Variants in FBXW2 observed in about 807,000 individuals in gnomAD.
FBXW2 encodes the protein F-box and WD repeat domain containing 2.
Under a neutral mutation model 46.0 loss-of-function variants are expected in FBXW2, and 12 were observed. The observed-to-expected ratio is 0.26, with a 90% CI of 0.17 to 0.42. The LOEUF (loss-of-function observed/expected upper bound fraction) is 0.42, where lower values mean the gene tolerates loss of function less well. Among genes scored for constraint, FBXW2 ranks in the 10% least tolerant of loss-of-function variants. The pLI is 1.00. For missense variants in FBXW2, 360 were observed against 537.0 expected, an observed-to-expected ratio of 0.67 and a Z score of 3.26; for synonymous variants, 203 against 209.6, an observed-to-expected ratio of 0.97 and a Z score of 0.27.
At chr9:120,768,666 C>T (rs1247897063) in intron 7 of FBXW2, among the ~76,000 whole-genome samples, 1 of 151,970 alleles carries the variant, frequency 6.6e-6, no homozygotes, top group Admixed American at 6.6e-5. Context: ...ACTAAAAATA[C>T]ACAAAATTAG....
intron 5 of FBXW2, among the ~76,000 whole-genome samples, chr9:120,774,551 A>G (rs1243578415): frequency 1.3e-5 from 2 of 152,130 alleles, no homozygotes; most frequent in African/African-American, 4.8e-5. Flanking sequence ...TGTTTCCCAC[A>G]GTGAATCTGC....
At chr9:120,767,833 T>C (rs768826965) in intron 7 of FBXW2, among the ~76,000 whole-genome samples, 5 of 152,210 alleles carry the variant, frequency 3.3e-5, no homozygotes, top group African/African-American at 9.6e-5. Flanking sequence ...CCAAGCTCTA[T>C]TGATTTTATG....
chr9:120,787,948 T>C lies in FBXW2; in HGVS notation c.311A>G (p.Asn104Ser). Residue 104 changes from asparagine to serine, a missense_variant, in exon 3 of 8, where the codon AAT becomes AGT. Asn to Ser is a conservative substitution (Grantham distance 46). Coordinates refer to ENST00000608872, the MANE Select transcript of FBXW2 (RefSeq NM_012164.4). ...CTEVWQTACK[N>S]LGWQIDDSVQ... Reference sequence around the variant, plus strand: ...AGAATCATCTATCTGCCAGCCCAAATTTTTACATGCAGTCTGCCACACCTC... The same window carrying C: ...AGAATCATCTATCTGCCAGCCCAAACTTTTACATGCAGTCTGCCACACCTC... 1 of 1,614,218 alleles carries C rather than the reference T, an allele frequency of 6.2e-7. No homozygotes were observed. Among genetic ancestry groups the C allele is most frequent in the Non-Finnish European group, 8.5e-7 (1 of 1,180,036 alleles).
Position 120,758,300 on chromosome 9 carries a change from G to A in FBXW2, c.*6259C>T, listed in dbSNP as rs772899293. ...GAAAGGAACATCAAGAACTTTCCAC[G>A]AGGATGGGAGATTAACACCCAAAGC... is the stretch of plus-strand genomic sequence containing the variant. On this transcript the variant is annotated 3_prime_UTR_variant, in exon 8 of 8. Coordinates refer to ENST00000608872, the MANE Select transcript of FBXW2 (RefSeq NM_012164.4). 9.9e-5 allele frequency: 15 copies of A among 152,146 alleles called. No homozygotes were observed. The highest frequency in any genetic ancestry group is 2.2e-4 in the Non-Finnish European group (15 of 68,030). The allele number at this position is 152,146 out of a possible 1,614,324, so 9.4% of individuals were successfully genotyped here.
At chr9:120,791,181 A>T (rs1382197716) in intron 2 of FBXW2, among the ~76,000 whole-genome samples, 2 of 152,210 alleles carry the variant, frequency 1.3e-5, no homozygotes, top group Admixed American at 6.5e-5. Flanking sequence ...TCTTTTAGGC[A>T]GCCTCTAGAA....
chr9:120,778,293 C>A, intron 4 of FBXW2, 58 bp downstream of exon 4: 1 of 1,424,080 alleles, frequency 7.0e-7, no homozygotes, highest in Non-Finnish European at 9.5e-7. Flanking sequence ...ACATTCTTGG[C>A]TCCTGGCTTA....
At position 120,759,079 on chromosome 9, in the gene FBXW2, C is replaced by T. The variant is rs1303329236; in HGVS notation, c.*5480G>A. ...AAAAAAACAGAGCCACCTCAGATCA[C>T]TCAAGGGGTTGTTCTATTTTCAAAA... is the stretch of plus-strand genomic sequence containing the variant. On this transcript the variant is annotated 3_prime_UTR_variant, in exon 8 of 8. Transcript: ENST00000608872. 1.3e-5 allele frequency: 2 copies of T among 152,202 alleles called. No individual in the cohort carries two copies. Among genetic ancestry groups the T allele is most frequent in the African/African-American group, 4.8e-5 (2 of 41,456 alleles). 9.4% of individuals were successfully genotyped at this position (152,202 alleles called of 1,614,324 possible).
chr9:120,767,540 A>C (rs191059568), intron 7 of FBXW2, among the ~76,000 whole-genome samples: 3 of 152,354 alleles, frequency 2.0e-5, no homozygotes, highest in Non-Finnish European at 4.4e-5. Context: ...CAAATGAGTT[A>C]TAACTGATAA....
chr9:120,782,199 T>C (rs547726539), intron 3 of FBXW2, among the ~76,000 whole-genome samples: 133 of 152,204 alleles, frequency 8.7e-4, no homozygotes, highest in Admixed American at 2.2e-3. Context: ...CCAGGCATGG[T>C]GGCTCATGCC....
chr9:120,764,478 T>C lies in FBXW2; in HGVS notation c.*81A>G, dbSNP rs536811902. 4.1e-6 allele frequency: 6 copies of C among 1,468,728 alleles called. No individual in the cohort carries two copies. The African/African-American group carries it at 5.6e-5, about 14-fold the overall frequency. The allele number at this position is 1,468,728 out of a possible 1,614,324, so 91.0% of individuals were successfully genotyped here. ...ACCATTAGGTGAGAACTTTGGTTCA[T>C]GCAGTCGGCTGCCGCAGAGGTTGCA... On this transcript the variant is annotated 3_prime_UTR_variant, in exon 8 of 8. Coordinates refer to ENST00000608872, the MANE Select transcript of FBXW2 (RefSeq NM_012164.4).
At chr9:120,768,722 T>TGA (rs1230530095) in intron 7 of FBXW2, among the ~76,000 whole-genome samples, 1 of 151,830 alleles carries the variant, frequency 6.6e-6, no homozygotes, top group Non-Finnish European at 1.5e-5. Flanking sequence ...CTCGGGAGGC[T>TGA]GAGGCAGGAG....
At chr9:120,771,085 T>C (rs1175359148) in intron 7 of FBXW2, among the ~76,000 whole-genome samples, 9 of 152,222 alleles carry the variant, frequency 5.9e-5, no homozygotes, top group African/African-American at 2.2e-4. Context: ...CAGAAAAGCA[T>C]GTTAAATCTG....
Position 120,784,702 on chromosome 9 carries a change from C to A in FBXW2, c.490+3067G>T, listed in dbSNP as rs2044683128. On this transcript the variant is annotated intron_variant, in intron 3 of 7. Transcript: ENST00000608872. ...TGGGAGGCCGAGGCAGGCAGATCAT[C>A]TGAGATCAGGAGTTTGAGACCAGCC... Among the ~76,000 whole-genome samples the A allele has an allele frequency of 2.0e-5, 3 of 151,676 alleles. No homozygotes were observed. In the South Asian group the frequency reaches 6.2e-4, roughly 32 times the overall value.
chr9:120,776,416 T>A, intron 4 of FBXW2, 190 bp from the exon 5 acceptor site: 1 of 616,584 alleles, frequency 1.6e-6, no homozygotes, highest in Non-Finnish European at 2.7e-6. Flanking sequence ...CTTATTATTC[T>A]AAGGTGGAAA....
intron 5 of FBXW2, 119 bp downstream of exon 5, chr9:120,775,974 T>C (rs1320617649): frequency 3.3e-6 from 4 of 1,218,946 alleles, no homozygotes; most frequent in African/African-American, 1.5e-5. Context: ...CATTATGCTT[T>C]GTAGGTACAG....
intron 2 of FBXW2, among the ~76,000 whole-genome samples, chr9:120,792,134 C>T (rs529631438): frequency 1.8e-4 from 27 of 152,144 alleles, no homozygotes; most frequent in South Asian, 8.3e-4. Flanking sequence ...AGTGGAGTGG[C>T]CTTCCCAGAA....
intron 7 of FBXW2, among the ~76,000 whole-genome samples, chr9:120,768,381 G>A (rs182723397): frequency 2.6e-5 from 4 of 152,282 alleles, no homozygotes; most frequent in Admixed American, 1.3e-4. Flanking sequence ...CCTGCTGATC[G>A]GTAATTTCCC....
intron 7 of FBXW2, among the ~76,000 whole-genome samples, chr9:120,766,970 C>A (rs1307955487): frequency 6.6e-6 from 1 of 152,164 alleles, no homozygotes; most frequent in African/African-American, 2.4e-5. Context: ...GAGGGCATAG[C>A]ATATAACTGC....
At chr9:120,784,551 T>A (rs181866726) in intron 3 of FBXW2, among the ~76,000 whole-genome samples, 1 of 149,712 alleles carries the variant, frequency 6.7e-6, no homozygotes, top group African/African-American at 2.5e-5. Flanking sequence ...GAGGTGGAGG[T>A]TGAAGAAAGC....
Sources: gnomAD v4.1 joint callset for allele counts (sites outside exome capture counted in the v4.1 genomes callset) on GRCh38, gnomAD v4.1.1 for gene constraint, MANE v1.5 for transcripts, NCBI Gene and HGNC (gene_info 2026-07-23, HGNC 2026-07-21) for gene names.